Variants in PCDHA2 observed in about 807,000 individuals in gnomAD.
The protein encoded by PCDHA2 is protocadherin alpha 2.
PCDHA2 carries 58 observed loss-of-function variants against 66.0 expected under a neutral mutation model. That is an observed-to-expected ratio of 0.88 (90% CI 0.71 to 1.09). The LOEUF is 1.09. Among genes scored for constraint, PCDHA2 ranks in the 50% least tolerant of loss-of-function variants. PCDHA2 has a pLI of 0.00. For synonymous variants in PCDHA2, 634 were observed against 554.0 expected (o/e 1.14, Z -2.03); for missense variants, 1,267 against 1,242.3 (o/e 1.02, Z -0.30).
intron 3 of PCDHA2, among the ~76,000 whole-genome samples, chr5:141,000,094 C>G (rs782020096): frequency 1.3e-5 from 2 of 152,128 alleles, no homozygotes; most frequent in Non-Finnish European, 2.9e-5. Flanking sequence ...GTGAATGGAG[C>G]TCAACTCCGT....
At chr5:140,937,788 T>C (rs2091751340) in intron 1 of PCDHA2, among the ~76,000 whole-genome samples, 1 of 149,320 alleles carries the variant, frequency 6.7e-6, no homozygotes, top group African/African-American at 2.5e-5. Flanking sequence ...GGCGGGCGTA[T>C]GTAGTCCCAG....
At chr5:140,948,098 AT>A (rs1400798416) in intron 1 of PCDHA2, among the ~76,000 whole-genome samples, 2 of 151,502 alleles carry the variant, frequency 1.3e-5, no homozygotes, top group African/African-American at 4.8e-5. Flanking sequence ...TGAGCATATG[AT>A]TTTTCTTCGT....
chr5:140,875,125 A>T (rs1158150211), intron 1 of PCDHA2, among the ~76,000 whole-genome samples: 2 of 152,240 alleles, frequency 1.3e-5, no homozygotes, highest in Non-Finnish European at 2.9e-5. Flanking sequence ...TATATTAACT[A>T]AACCCGCATT....
chr5:140,869,029 A>T, intron 1 of PCDHA2: 4 of 1,526,468 alleles, frequency 2.6e-6, no homozygotes, highest in South Asian at 2.7e-5. Flanking sequence ...ATTCAACGAG[A>T]TTTTTAACCT....
intron 1 of PCDHA2, among the ~76,000 whole-genome samples, chr5:140,913,425 G>A (rs919355007): frequency 1.1e-4 from 16 of 152,094 alleles, no homozygotes; most frequent in African/African-American, 1.2e-4. Context: ...AGTATCAGTT[G>A]TAATGCCTCC....
chr5:140,970,248 A>G (rs1385121881), intron 1 of PCDHA2, among the ~76,000 whole-genome samples: 1 of 152,142 alleles, frequency 6.6e-6, no homozygotes, highest in Non-Finnish European at 1.5e-5. Context: ...TTCTGTTGAC[A>G]GTTTCTATGG....
intron 1 of PCDHA2, among the ~76,000 whole-genome samples, chr5:140,798,341 C>T (rs1762317918): frequency 6.6e-6 from 1 of 152,166 alleles, no homozygotes; most frequent in South Asian, 2.1e-4. Flanking sequence ...AGATTTCACA[C>T]TGATAACATT....
intron 1 of PCDHA2, chr5:140,823,032 C>A: frequency 1.2e-6 from 2 of 1,614,230 alleles, no homozygotes; most frequent in Non-Finnish European, 8.5e-7. Flanking sequence ...GCGTGTCGGT[C>A]TATGAGCTGG....
chr5:140,850,741 C>A, intron 1 of PCDHA2: 1 of 1,597,822 alleles, frequency 6.3e-7, no homozygotes, highest in Non-Finnish European at 8.6e-7. Context: ...GGGAGTTGGT[C>A]GTACTCGCAG....
intron 1 of PCDHA2, among the ~76,000 whole-genome samples, chr5:140,954,491 T>C (rs1554221443): frequency 6.6e-6 from 1 of 152,264 alleles, no homozygotes; most frequent in Non-Finnish European, 1.5e-5. Flanking sequence ...TATTTCATTG[T>C]GGTTTTGATT....
intron 1 of PCDHA2, chr5:140,876,221 T>C: frequency 1.2e-6 from 2 of 1,613,988 alleles, no homozygotes; most frequent in Non-Finnish European, 1.7e-6. Context: ...TATAAAGTAG[T>C]GTTGTCTGAA....
At chr5:140,949,219 C>T (rs543953096) in intron 1 of PCDHA2, among the ~76,000 whole-genome samples, 3 of 151,842 alleles carry the variant, frequency 2.0e-5, no homozygotes, top group African/African-American at 7.2e-5. Flanking sequence ...TCTGTTTAGA[C>T]TTGTTCTGTG....
intron 1 of PCDHA2, among the ~76,000 whole-genome samples, chr5:140,798,585 T>G (rs1004922630): frequency 1.9e-4 from 29 of 152,224 alleles, no homozygotes; most frequent in African/African-American, 6.8e-4. Context: ...GATTGACTAC[T>G]TTTTTCTGGC....
At chr5:140,803,323 G>C in intron 1 of PCDHA2, 1 of 1,614,176 alleles carries the variant, frequency 6.2e-7, no homozygotes, top group Non-Finnish European at 8.5e-7. Context: ...GCGGTGTCCA[G>C]TCTGTTGGTG....
chr5:140,871,364 G>A lies in PCDHA2; in HGVS notation c.2388+74012G>A, dbSNP rs113722940. ...AGCTGGTCATACTCGCAGCAGAGGC[G>A]GCAGAGGGTGTGCTCTGAGGAGGGC... On this transcript the variant is annotated intron_variant, in intron 1 of 3. Transcript: ENST00000526136. The A allele has an allele frequency of 2.5e-5, 40 of 1,614,220 alleles. 1 individual carries two copies. The highest frequency in any genetic ancestry group is 2.0e-4 in the African/African-American group (15 of 75,074).
At chr5:140,903,351 A>G (rs2070226814) in intron 1 of PCDHA2, among the ~76,000 whole-genome samples, 1 of 152,236 alleles carries the variant, frequency 6.6e-6, no homozygotes, top group Non-Finnish European at 1.5e-5. Context: ...TTTAAAAAAC[A>G]AGTTTTTCAA....
chr5:141,002,271 T>C (rs942626808), intron 3 of PCDHA2, among the ~76,000 whole-genome samples: 3 of 152,220 alleles, frequency 2.0e-5, no homozygotes, highest in African/African-American at 7.2e-5. Context: ...CCAGAGCTGG[T>C]AACAAAGGGA....
chr5:140,836,303 G>T (rs2150257246), intron 1 of PCDHA2: 3 of 1,613,706 alleles, frequency 1.9e-6, no homozygotes, highest in East Asian at 4.5e-5. Flanking sequence ...TAGATGAGAC[G>T]GACGCACCGC....
intron 1 of PCDHA2, chr5:140,803,303 C>T (rs1171737717): frequency 2.5e-6 from 4 of 1,614,108 alleles, no homozygotes; most frequent in South Asian, 1.1e-5. Flanking sequence ...ACTTGATCGT[C>T]GCCATCTGCG....
Sources: allele counts gnomAD v4.1 joint callset (sites outside exome capture counted in the v4.1 genomes callset), GRCh38; gene constraint gnomAD v4.1.1; transcripts MANE v1.5; gene names NCBI Gene and HGNC (gene_info 2026-07-23, HGNC 2026-07-21).